Variants in SHROOM2 observed in about 807,000 individuals in gnomAD.
SHROOM2 encodes shroom family member 2.
A neutral mutation model predicts 75.9 loss-of-function variants in SHROOM2; 33 were observed. That is an observed-to-expected ratio of 0.43 (90% CI 0.33 to 0.58). SHROOM2 has a LOEUF of 0.58. Among genes scored for constraint, SHROOM2 ranks in the 20% least tolerant of loss-of-function variants. The pLI, the probability that SHROOM2 is intolerant of heterozygous loss-of-function variation, is 0.04. For synonymous variants in SHROOM2, 655 were observed against 663.6 expected (o/e 0.99, Z 0.20); for missense variants, 1,434 against 1,461.2 (o/e 0.98, Z 0.30).
intron 1 of SHROOM2, among the ~76,000 whole-genome samples, chrX:9,868,228 ATTTTTATTTTTAT>A (rs754190195): frequency 2.0e-5 from 2 of 99,799 alleles, no homozygotes; most frequent in Non-Finnish European, 4.1e-5. Flanking sequence ...TTTTATTTTT[ATTTTTATTTTTAT>A]TTTATTTATT....
intron 6 of SHROOM2, among the ~76,000 whole-genome samples, chrX:9,934,898 G>A (rs1332536172): frequency 3.6e-5 from 4 of 110,662 alleles, no homozygotes; most frequent in Non-Finnish European, 7.6e-5. Context: ...TCAGCCTCCC[G>A]AGTAGCTGGG....
At chrX:9,832,755 C>T (rs1171022638) in intron 1 of SHROOM2, among the ~76,000 whole-genome samples, 3 of 96,504 alleles carry the variant, frequency 3.1e-5, no homozygotes, top group Non-Finnish European at 6.3e-5. Context: ...GGGTGGGGGG[C>T]GGGTGCACCT....
At position 9,932,508 on chromosome X, in the gene SHROOM2, C is replaced by T; in HGVS notation, c.3225C>T (p.Tyr1075=). Residue 1075 remains tyrosine, a synonymous_variant, in exon 6 of 10, where the codon TAC becomes TAT. Transcript: ENST00000380913. ...PPPPKREPRR[Y]RATDGAPADA... is the part of the protein sequence containing the mutation. ...CACCCAAGCGCGAGCCCAGGAGATA[C>T]AGGGCCACAGACGGCGCACCTGCTG... 1 of 1,209,978 alleles carries T rather than the reference C, an allele frequency of 8.3e-7. No individual in the cohort carries two copies. Among genetic ancestry groups the T allele is most frequent in the Non-Finnish European group, 1.1e-6 (1 of 894,668 alleles).
At chrX:9,943,113 C>T (rs1053604769) in intron 8 of SHROOM2, among the ~76,000 whole-genome samples, 9 of 109,894 alleles carry the variant, frequency 8.2e-5, no homozygotes, top group African/African-American at 2.7e-4. Context: ...ATGGTCCTAG[C>T]TGCTTAGGAG....
chrX:9,830,350 C>A (rs1435354532), intron 1 of SHROOM2, among the ~76,000 whole-genome samples: 2 of 110,772 alleles, frequency 1.8e-5, no homozygotes, highest in Admixed American at 2.0e-4. Flanking sequence ...AGGGGGAGTG[C>A]TGGCGCCTGG....
intron 2 of SHROOM2, among the ~76,000 whole-genome samples, chrX:9,889,401 T>G (rs149941591): frequency 1.6e-3 from 179 of 112,678 alleles, no homozygotes; most frequent in African/African-American, 5.4e-3. Context: ...GAGGCCCGCT[T>G]GAGCTCGTTC....
intron 1 of SHROOM2, among the ~76,000 whole-genome samples, chrX:9,788,450 C>T (rs1271038041): frequency 2.7e-5 from 3 of 111,258 alleles, no homozygotes; most frequent in African/African-American, 9.8e-5. Context: ...CATGGGAGTG[C>T]GTGTAGTAGA....
intron 2 of SHROOM2, among the ~76,000 whole-genome samples, chrX:9,877,458 C>G (rs187552914): frequency 9.0e-6 from 1 of 111,574 alleles, no homozygotes; most frequent in Admixed American, 9.5e-5. Context: ...TCTTTCTTCC[C>G]AGGCGGTTTG....
At chrX:9,837,974 G>A (rs1291649009) in intron 1 of SHROOM2, among the ~76,000 whole-genome samples, 1 of 110,587 alleles carries the variant, frequency 9.0e-6, no homozygotes, top group South Asian at 3.9e-4. Context: ...CTGGAATTGG[G>A]TGGTCCTGGA....
intron 1 of SHROOM2, among the ~76,000 whole-genome samples, chrX:9,859,039 C>T (rs1412039405): frequency 9.0e-6 from 1 of 111,343 alleles, no homozygotes; most frequent in Non-Finnish European, 1.9e-5. Flanking sequence ...CATGGTGAAA[C>T]CTTGTCTCTA....
chrX:9,825,138 G>T (rs2083881342), intron 1 of SHROOM2, among the ~76,000 whole-genome samples: 1 of 112,228 alleles, frequency 8.9e-6, no homozygotes. Context: ...AAATACAAAG[G>T]TTATGGAATA....
intron 5 of SHROOM2, among the ~76,000 whole-genome samples, chrX:9,926,605 G>C (rs1234063653): frequency 1.8e-5 from 2 of 111,406 alleles, no homozygotes; most frequent in African/African-American, 3.3e-5. Context: ...GAAAATTATT[G>C]CTTGTTGGCA....
intron 1 of SHROOM2, among the ~76,000 whole-genome samples, chrX:9,815,438 G>A (rs1343508281): frequency 9.9e-4 from 12 of 12,125 alleles, no homozygotes; most frequent in African/African-American, 4.8e-3. Context: ...CATATTATGT[G>A]TGTGTGTGTG....
chrX:9,922,163 C>T (rs757389899), intron 5 of SHROOM2, among the ~76,000 whole-genome samples: 1 of 111,638 alleles, frequency 9.0e-6, no homozygotes, highest in East Asian at 2.8e-4. Context: ...AAGTGATCCT[C>T]CTGCCTCAGC....
rs1425361609 is a variant in SHROOM2, at chrX:9,896,553, A to G, written c.2645A>G (p.Glu882Gly). 4 of 1,209,852 alleles carry G rather than the reference A, an allele frequency of 3.3e-6. No homozygotes were observed. In the African/African-American group the frequency reaches 6.9e-5, roughly 21 times the overall value. The change falls in exon 4 of 10, where the codon GAA (glutamate) becomes GGA (glycine). Residue 882 changes from glutamate (E) to glycine (G), a missense_variant. Physicochemically the swap from Glu to Gly is moderately conservative, Grantham distance 98 (BLOSUM62 -2). Around this residue, in one of 3 missense-constraint regions of SHROOM2, gnomAD observed 1,340 missense variants for 1,338.3 expected, o/e 1.00. Coordinates refer to ENST00000380913, the MANE Select transcript of SHROOM2 (RefSeq NM_001649.4). Reference sequence around the variant, plus strand: ...GCAGAGTATCAGGCCTCTTGGAAGGAACAGAGGAAACCTCTGGAGGCCAGG... The same window carrying G: ...GCAGAGTATCAGGCCTCTTGGAAGGGACAGAGGAAACCTCTGGAGGCCAGG... ...TFAEYQASWK[E>G]QRKPLEARSS...
chrX:9,833,130 G>A (rs1019398712), intron 1 of SHROOM2, among the ~76,000 whole-genome samples: 2 of 111,563 alleles, frequency 1.8e-5, no homozygotes, highest in South Asian at 7.6e-4. Context: ...AATGACAGAC[G>A]GAACAAAACC....
chrX:9,944,383 C>T (rs907973513), intron 8 of SHROOM2, among the ~76,000 whole-genome samples: 3 of 111,876 alleles, frequency 2.7e-5, no homozygotes, highest in Non-Finnish European at 5.6e-5. Flanking sequence ...GCCACAACTC[C>T]GACGTTCTCT....
At chrX:9,822,916 G>C (rs1341022917) in intron 1 of SHROOM2, among the ~76,000 whole-genome samples, 1 of 111,529 alleles carries the variant, frequency 9.0e-6, no homozygotes, top group Non-Finnish European at 1.9e-5. Context: ...TCAATGCACT[G>C]TCCTAACTGC....
At chrX:9,839,797 G>A (rs1202851717) in intron 1 of SHROOM2, among the ~76,000 whole-genome samples, 4 of 111,756 alleles carry the variant, frequency 3.6e-5, no homozygotes, top group East Asian at 5.6e-4. Context: ...TTAGAAAACC[G>A]TTGCAAGGAG....
Sources: gnomAD v4.1 joint callset for allele counts (sites outside exome capture counted in the v4.1 genomes callset) on GRCh38, gnomAD v4.1.1 for gene constraint, gnomAD v4.1.1 regional missense constraint, MANE v1.5 for transcripts, NCBI Gene and HGNC (gene_info 2026-07-23, HGNC 2026-07-21) for gene names.